Variants in PMM2 observed in about 807,000 individuals in gnomAD.
The protein encoded by PMM2 is mannose-6-phosphate isomerase.
Under a neutral mutation model 33.2 loss-of-function variants are expected in PMM2, and 35 were observed. The observed-to-expected ratio is 1.06, with a 90% CI of 0.81 to 1.40. The LOEUF (loss-of-function observed/expected upper bound fraction) is 1.40, where lower values mean the gene tolerates loss of function less well. PMM2 is among the 40% of genes most tolerant of loss of function. PMM2 has a pLI of 0.00. For missense variants in PMM2, 386 were observed against 306.0 expected, an observed-to-expected ratio of 1.26 and a Z score of -1.95; for synonymous variants, 153 against 114.7, an observed-to-expected ratio of 1.33 and a Z score of -2.13.
intron 3 of PMM2, 74 bp downstream of exon 3, chr16:8,804,917 C>T: frequency 2.2e-6 from 2 of 922,748 alleles, no homozygotes; most frequent in South Asian, 1.3e-5. Context: ...CAATGAATGC[C>T]TCTAGGAAGA....
chr16:8,806,637 T>C, intron 4 of PMM2: 1 of 574,112 alleles, frequency 1.7e-6, no homozygotes, highest in Non-Finnish European at 3.1e-6. Flanking sequence ...CACAGCAGGG[T>C]TCAGTAGCCA....
chr16:8,821,109 A>G lies in PMM2; in HGVS notation c.639+8003A>G, dbSNP rs1461896150. Among the ~76,000 whole-genome samples the G allele has an allele frequency of 3.3e-5, 5 of 152,124 alleles. No homozygotes were observed. The East Asian group carries it at 9.7e-4, about 29-fold the overall frequency. ...ATCTGTCTTACTACTTATTGCTGGG[A>G]CCACATGATTTGAGACCCAGGTCTT... is the stretch of plus-strand genomic sequence containing the variant. On this transcript the variant is annotated intron_variant, in intron 7 of 7. Transcript: ENST00000268261.
intron 7 of PMM2, among the ~76,000 whole-genome samples, chr16:8,837,465 G>C (rs1262878578): frequency 6.6e-6 from 1 of 151,820 alleles, no homozygotes; most frequent in Non-Finnish European, 1.5e-5. Flanking sequence ...AATGGAAGGT[G>C]GAAGCTTGCC....
At chr16:8,818,388 A>T (rs1266501117) in intron 7 of PMM2, among the ~76,000 whole-genome samples, 1 of 152,242 alleles carries the variant, frequency 6.6e-6, no homozygotes, top group Admixed American at 6.5e-5. Flanking sequence ...AGAAATGGAA[A>T]TTAGCAGTCC....
chr16:8,836,481 C>G (rs556367818), intron 7 of PMM2, among the ~76,000 whole-genome samples: 1 of 152,166 alleles, frequency 6.6e-6, no homozygotes, highest in East Asian at 1.9e-4. Context: ...GTGTAGCAAG[C>G]TCCTGGGGGA....
chr16:8,810,780 T>C (rs1032885074), intron 4 of PMM2: 3 of 416,012 alleles, frequency 7.2e-6, no homozygotes, highest in African/African-American at 4.1e-5. Context: ...TTTCGCCATG[T>C]TGTCCAGGCT....
At chr16:8,828,046 T>A (rs1256058010) in intron 7 of PMM2, among the ~76,000 whole-genome samples, 1 of 124,418 alleles carries the variant, frequency 8.0e-6, no homozygotes, top group Non-Finnish European at 1.7e-5. Context: ...TTTTTTTTTT[T>A]ACAAAATCTT....
intron 2 of PMM2, among the ~76,000 whole-genome samples, chr16:8,804,340 G>A (rs756544527): frequency 1.3e-5 from 2 of 151,862 alleles, no homozygotes; most frequent in African/African-American, 2.4e-5. Context: ...CACCGCACCC[G>A]ACCCAAAGAG....
At chr16:8,815,568 G>A (rs558013341) in intron 7 of PMM2, among the ~76,000 whole-genome samples, 12 of 124,946 alleles carry the variant, frequency 9.6e-5, no homozygotes, top group Admixed American at 3.8e-4. Flanking sequence ...TCTTCTGTCA[G>A]TAGACACATG....
At chr16:8,812,801 G>C (rs1198864305) in intron 6 of PMM2, among the ~76,000 whole-genome samples, 190 bp from the exon 7 acceptor site, 1 of 152,168 alleles carries the variant, frequency 6.6e-6, no homozygotes, top group Non-Finnish European at 1.5e-5. Context: ...GTGAAATAAT[G>C]CTGGAAAAAA....
intron 1 of PMM2, among the ~76,000 whole-genome samples, chr16:8,799,665 A>G (rs2060601135): frequency 6.6e-6 from 1 of 152,084 alleles, no homozygotes; most frequent in East Asian, 1.9e-4. Context: ...CTCCTGCCTC[A>G]GGCAACCAAG....
intron 7 of PMM2, among the ~76,000 whole-genome samples, chr16:8,844,944 G>T (rs544530827): frequency 5.3e-5 from 8 of 152,324 alleles, no homozygotes; most frequent in African/African-American, 1.9e-4. Context: ...GTCGTAGGTG[G>T]ATCTTTCTCA....
intron 7 of PMM2, among the ~76,000 whole-genome samples, chr16:8,825,989 C>T (rs112179932): frequency 6.3e-4 from 96 of 152,196 alleles, no homozygotes; most frequent in Non-Finnish European, 1.1e-3. Context: ...CTTCTGACCT[C>T]GTGATCTGCC....
At chr16:8,802,188 T>C (rs997333052) in intron 2 of PMM2, 53 of 474,246 alleles carry the variant, frequency 1.1e-4, no homozygotes, top group African/African-American at 9.2e-4. Flanking sequence ...CTGCCTGGAA[T>C]ACTTCTTGCT....
intron 7 of PMM2, among the ~76,000 whole-genome samples, chr16:8,846,505 G>C (rs1406903368): frequency 3.3e-5 from 5 of 152,138 alleles, no homozygotes; most frequent in African/African-American, 4.8e-5. Context: ...GGGAGCGGCA[G>C]ATAACCTGAT....
chr16:8,801,954 C>T, intron 2 of PMM2, 44 bp downstream of exon 2: 1 of 1,324,024 alleles, frequency 7.6e-7, no homozygotes. Flanking sequence ...AGATTAACTT[C>T]TTATGAGGAT....
At chr16:8,804,041 T>TTTTTG (rs1941579825) in intron 2 of PMM2, among the ~76,000 whole-genome samples, 3 of 143,812 alleles carry the variant, frequency 2.1e-5, no homozygotes, top group Non-Finnish European at 3.0e-5. Flanking sequence ...GTTTTTTTTT[T>TTTTTG]TTTTTTTTTT....
At chr16:8,810,542 T>G (rs551607642) in intron 4 of PMM2, 2 of 153,592 alleles carry the variant, frequency 1.3e-5, no homozygotes, top group African/African-American at 4.8e-5. Context: ...TTTAATAATA[T>G]ATTTTATTTA....
Position 8,838,935 on chromosome 16 carries a change from G to A in PMM2, c.640-8789G>A, listed in dbSNP as rs578045729. 1.1e-4 allele frequency among the ~76,000 whole-genome samples: 16 copies of A among 152,050 alleles called. No homozygotes were observed. In the South Asian group the frequency reaches 2.9e-3, roughly 28 times the overall value. On this transcript the variant is annotated intron_variant, in intron 7 of 7. Transcript: ENST00000268261. The stretch of plus-strand genomic sequence containing the variant: ...CTTTTTTCAACAGTGAGTAAGCAAG[G>A]CCTCGGTGGTTTTGGAGGACAACTG...
Sources: gnomAD v4.1 joint callset for allele counts (sites outside exome capture counted in the v4.1 genomes callset) on GRCh38, gnomAD v4.1.1 for gene constraint, MANE v1.5 for transcripts, NCBI Gene and HGNC (gene_info 2026-07-23, HGNC 2026-07-21) for gene names.